Variants in MTUS2 observed in about 807,000 individuals in gnomAD.
MTUS2 encodes the protein microtubule associated scaffold protein 2.
A neutral mutation model predicts 114.1 loss-of-function variants in MTUS2; 40 were observed. The observed-to-expected ratio is 0.35, with a 90% confidence interval of 0.27 to 0.46. MTUS2 has a LOEUF of 0.46. Ranked by LOEUF, MTUS2 falls within the 20% of genes least tolerant of loss-of-function variation. The pLI is 1.00. For missense variants in MTUS2, 1,679 were observed against 1,705.4 expected (o/e 0.98, Z 0.27); for synonymous variants, 688 against 672.0 (o/e 1.02, Z -0.37).
At chr13:28,990,532 C>A (rs929797931) in intron 2 of MTUS2, among the ~76,000 whole-genome samples, 2 of 111,868 alleles carry the variant, frequency 1.8e-5, no homozygotes, top group African/African-American at 6.9e-5. Context: ...TACCAATCAG[C>A]AATCTGTGTC....
chr13:28,913,629 T>A (rs1208287233), intron 2 of MTUS2, among the ~76,000 whole-genome samples: 1 of 152,172 alleles, frequency 6.6e-6, no homozygotes, highest in Non-Finnish European at 1.5e-5. Flanking sequence ...GCTGGCCTCA[T>A]AGAATGAGTT....
chr13:29,473,234 G>A (rs1177523289), intron 9 of MTUS2, among the ~76,000 whole-genome samples: 3 of 151,966 alleles, frequency 2.0e-5, no homozygotes, highest in Non-Finnish European at 4.4e-5. Context: ...TGACCTAAAA[G>A]GCCACATAAT....
chr13:29,354,320 C>T (rs1378313150), intron 7 of MTUS2, among the ~76,000 whole-genome samples: 2 of 150,002 alleles, frequency 1.3e-5, no homozygotes, highest in African/African-American at 5.0e-5. Flanking sequence ...CAGAAGTAGC[C>T]ATATTTGAAT....
intron 2 of MTUS2, among the ~76,000 whole-genome samples, chr13:28,862,286 G>A (rs987911616): frequency 2.1e-4 from 32 of 152,290 alleles, no homozygotes; most frequent in African/African-American, 6.3e-4. Context: ...CAGCAGGAAC[G>A]CAATCAAACA....
At chr13:29,413,012 A>G (rs1024231135) in intron 8 of MTUS2, among the ~76,000 whole-genome samples, 3 of 152,170 alleles carry the variant, frequency 2.0e-5, no homozygotes, top group Admixed American at 6.5e-5. Context: ...TGTCTCTGAC[A>G]CTGATTCTTT....
intron 5 of MTUS2, among the ~76,000 whole-genome samples, chr13:29,164,327 G>T (rs939568789): frequency 6.6e-6 from 1 of 152,150 alleles, no homozygotes; most frequent in African/African-American, 2.4e-5. Flanking sequence ...TGCTCATGTT[G>T]TTTACATCAT....
chr13:29,002,805 C>G (rs888655571), intron 2 of MTUS2, among the ~76,000 whole-genome samples: 4 of 152,196 alleles, frequency 2.6e-5, no homozygotes, highest in African/African-American at 9.6e-5. Flanking sequence ...TACAAGCTCC[C>G]TCTTGACATA....
Position 29,359,457 on chromosome 13 carries a change from A to G in MTUS2, c.3101A>G (p.Gln1034Arg), listed in dbSNP as rs1051000613. ...CGFDALAVAT[Q>R]HFFRKNESAL... The stretch of plus-strand genomic sequence containing the variant: ...TTTGATGCCCTCGCCGTGGCCACGC[A>G]GCATTTCTTTAGAAAGGTGAGGCCC... The change falls in exon 8 of 16, where the codon CAG becomes CGG. Residue 1034 changes from glutamine to arginine, a missense_variant. Around this residue, in one of 3 missense-constraint regions of MTUS2, gnomAD observed 822 missense variants for 899.7 expected, o/e 0.91. Coordinates refer to ENST00000612955, the MANE Select transcript of MTUS2 (RefSeq NM_001033602.4). 2 of 1,610,910 alleles carry G rather than the reference A, an allele frequency of 1.2e-6. No homozygotes were observed. Among genetic ancestry groups the G allele is most frequent in the African/African-American group, 2.7e-5 (2 of 75,006 alleles).
intron 6 of MTUS2, among the ~76,000 whole-genome samples, chr13:29,320,551 C>T (rs143673066): frequency 5.5e-4 from 84 of 152,294 alleles, no homozygotes; most frequent in African/African-American, 2.0e-3. Flanking sequence ...GGCTGAGACA[C>T]CCAGGGTCAC....
intron 8 of MTUS2, among the ~76,000 whole-genome samples, chr13:29,375,451 A>G (rs1488998907): frequency 7.6e-6 from 1 of 131,220 alleles, no homozygotes; most frequent in East Asian, 2.1e-4. Context: ...CTTACTTTTA[A>G]TGGCAACAAC....
intron 1 of MTUS2, among the ~76,000 whole-genome samples, chr13:28,830,893 A>T (rs976943932): frequency 6.6e-6 from 1 of 152,200 alleles, no homozygotes; most frequent in African/African-American, 2.4e-5. Flanking sequence ...AGACAAAAAA[A>T]CTGTCAATCA....
intron 2 of MTUS2, among the ~76,000 whole-genome samples, chr13:28,981,194 C>T (rs1375902264): frequency 6.6e-6 from 1 of 152,040 alleles, no homozygotes; most frequent in Non-Finnish European, 1.5e-5. Flanking sequence ...GTATATTTTA[C>T]CACAATATAA....
At chr13:29,238,502 A>AC (rs1896618017) in intron 5 of MTUS2, among the ~76,000 whole-genome samples, 2 of 152,230 alleles carry the variant, frequency 1.3e-5, no homozygotes, top group African/African-American at 4.8e-5. Flanking sequence ...TGTAAGTCCA[A>AC]CAGTCCTAAA....
At chr13:29,054,712 C>T (rs1327506121) in intron 4 of MTUS2, among the ~76,000 whole-genome samples, 1 of 152,020 alleles carries the variant, frequency 6.6e-6, no homozygotes, top group Non-Finnish European at 1.5e-5. Flanking sequence ...TTATGTTTTC[C>T]TATGCTACTG....
chr13:28,915,899 T>G (rs1481199695), intron 2 of MTUS2, among the ~76,000 whole-genome samples: 1 of 151,932 alleles, frequency 6.6e-6, no homozygotes, highest in Non-Finnish European at 1.5e-5. Flanking sequence ...ATTTCCCATA[T>G]GTTTTCTTGT....
At chr13:29,162,345 T>C (rs1474079221) in intron 5 of MTUS2, among the ~76,000 whole-genome samples, 2 of 152,230 alleles carry the variant, frequency 1.3e-5, no homozygotes, top group East Asian at 3.9e-4. Flanking sequence ...TGTTTTGTTA[T>C]TGTTTGACTC....
At chr13:29,335,459 G>A (rs1429443006) in intron 7 of MTUS2, among the ~76,000 whole-genome samples, 1 of 152,106 alleles carries the variant, frequency 6.6e-6, no homozygotes, top group Non-Finnish European at 1.5e-5. Flanking sequence ...CATTTGCCTT[G>A]TGGTATTTTA....
intron 2 of MTUS2, among the ~76,000 whole-genome samples, chr13:28,887,690 C>T (rs545851816): frequency 2.0e-5 from 3 of 152,306 alleles, no homozygotes; most frequent in South Asian, 2.1e-4. Flanking sequence ...TTCATGCACT[C>T]GGGCAAGAGC....
intron 5 of MTUS2, among the ~76,000 whole-genome samples, chr13:29,163,836 G>A (rs915733001): frequency 2.0e-5 from 3 of 152,098 alleles, no homozygotes; most frequent in Non-Finnish European, 4.4e-5. Context: ...GCAGTCATAC[G>A]TGTTAGAAAA....
Sources: allele counts gnomAD v4.1 joint callset (sites outside exome capture counted in the v4.1 genomes callset), GRCh38; gene constraint gnomAD v4.1.1; regional missense constraint gnomAD v4.1.1; transcripts MANE v1.5; gene names NCBI Gene and HGNC (gene_info 2026-07-23, HGNC 2026-07-21).